The following DCC variants were observed in gnomAD, a reference collection of about 807,000 sequenced individuals.
DCC encodes netrin receptor DCC.
In DCC, 58 loss-of-function variants were observed where a neutral mutation model predicts 172.5. That is an observed-to-expected ratio of 0.34 (90% confidence interval 0.27 to 0.42). The LOEUF is 0.42. Ranked by LOEUF, DCC falls within the 10% of genes least tolerant of loss-of-function variation. DCC has a pLI of 1.00. For synonymous variants in DCC, 709 were observed against 644.5 expected (o/e 1.10, Z -1.52); for missense variants, 1,740 against 1,791.0 (o/e 0.97, Z 0.51).
At chr18:52,501,444 C>A (rs532523778) in intron 1 of DCC, among the ~76,000 whole-genome samples, 1 of 152,116 alleles carries the variant, frequency 6.6e-6, no homozygotes, top group East Asian at 1.9e-4. Context: ...CGTTGTCTCT[C>A]TAAGCAGAAG....
At chr18:53,271,702 C>T (rs61063719) in intron 12 of DCC, among the ~76,000 whole-genome samples, 6,565 of 152,104 alleles carry the variant, frequency 0.043, 428 homozygotes, top group African/African-American at 0.15. Context: ...TTGTAACCAC[C>T]ACTTTTTCTG....
chr18:53,295,461 T>A (rs1021633013), intron 12 of DCC, among the ~76,000 whole-genome samples: 1 of 152,150 alleles, frequency 6.6e-6, no homozygotes, highest in Non-Finnish European at 1.5e-5. Context: ...CATAATAGAA[T>A]TTTTTCATAG....
rs530375353 is a variant in DCC at position 52,994,265 on chromosome 18, G to A, written c.985+68895G>A. Among the ~76,000 whole-genome samples the A allele has an allele frequency of 9.2e-5, 14 of 151,994 alleles. No homozygotes were observed. The South Asian group carries it at 2.9e-3, about 32-fold the overall frequency. On this transcript the variant is annotated intron_variant, in intron 5 of 28. Transcript: ENST00000442544. Reference sequence around the variant, plus strand: ...AAGACCATCCTTGAGAGTGAATTAAGTAACAGATTCTTGGCAAATCTTTCT... The same window carrying A: ...AAGACCATCCTTGAGAGTGAATTAAATAACAGATTCTTGGCAAATCTTTCT...
Position 52,340,768 on chromosome 18 carries a change from C to T in DCC, c.-20C>T. On this transcript the variant is annotated 5_prime_UTR_variant, in exon 1 of 29. Coordinates refer to ENST00000442544, the MANE Select transcript of DCC (RefSeq NM_005215.4). ...CTGCCGCTGCCCGCGACCCCTGGCC[C>T]CGAAGGTGTTGGCTGAAATATGGAG... 6.2e-7 allele frequency: 1 copy of T among 1,604,988 alleles called. No homozygotes were observed. Among genetic ancestry groups the T allele is most frequent in the Non-Finnish European group, 8.5e-7 (1 of 1,171,894 alleles).
intron 1 of DCC, among the ~76,000 whole-genome samples, chr18:52,376,606 A>G (rs993098622): frequency 3.9e-5 from 6 of 152,160 alleles, no homozygotes; most frequent in Admixed American, 1.3e-4. Flanking sequence ...TTAGTTTCTT[A>G]ACATTCCGGG....
chr18:53,237,976 A>C (rs1243045868), intron 12 of DCC, among the ~76,000 whole-genome samples: 11 of 152,166 alleles, frequency 7.2e-5, no homozygotes, highest in Non-Finnish European at 1.3e-4. Context: ...AAGAAAACCT[A>C]AGAACACAAT....
intron 12 of DCC, among the ~76,000 whole-genome samples, chr18:53,221,465 G>T (rs1046377448): frequency 6.6e-6 from 1 of 152,088 alleles, no homozygotes; most frequent in Non-Finnish European, 1.5e-5. Flanking sequence ...AAAAGTGAAC[G>T]TTCTTTCACA....
intron 7 of DCC, among the ~76,000 whole-genome samples, chr18:53,071,869 C>G (rs2042656040): frequency 1.3e-5 from 2 of 152,148 alleles, no homozygotes; most frequent in Admixed American, 1.3e-4. Flanking sequence ...TGGCTCACGC[C>G]TGTAATCCCA....
At chr18:53,076,843 A>G (rs2042731048) in intron 7 of DCC, among the ~76,000 whole-genome samples, 4 of 152,232 alleles carry the variant, frequency 2.6e-5, no homozygotes, top group Admixed American at 2.0e-4. Context: ...TGTTGCTAGG[A>G]GATTGGGCAT....
intron 2 of DCC, among the ~76,000 whole-genome samples, chr18:52,789,541 C>G (rs894120762): frequency 7.9e-5 from 12 of 152,164 alleles, no homozygotes; most frequent in Non-Finnish European, 1.8e-4. Flanking sequence ...TCTTGTTACT[C>G]AACTTTAGCC....
rs200534862 is a variant in DCC at position 53,499,426 on chromosome 18, C to A, written c.4027C>A (p.Arg1343Ser). The A allele has an allele frequency of 6.2e-7, 1 of 1,614,096 alleles. No homozygotes were observed. The highest frequency in any genetic ancestry group is 2.2e-5 in the East Asian group (1 of 44,874). Residue 1343 changes from arginine (R) to serine (S), a missense_variant, in exon 27 of 29, where the codon CGC becomes AGC. By Grantham distance (110) the Arg-to-Ser change is moderately radical. Transcript: ENST00000442544. ...TTGTGTTCGACCAACTCACCCACTC[C>A]GCAGCTTTGCTAATCCTTTGCTACC... ...TACVRPTHPL[R>S]SFANPLLPPP...
intron 1 of DCC, among the ~76,000 whole-genome samples, chr18:52,652,364 T>A (rs531290805): frequency 6.6e-6 from 1 of 152,228 alleles, no homozygotes; most frequent in Non-Finnish European, 1.5e-5. Context: ...AGAACAAAAA[T>A]TTCAGCCACT....
chr18:53,270,447 A>G (rs1431188), intron 12 of DCC, among the ~76,000 whole-genome samples: 44,509 of 152,070 alleles, frequency 0.29, 8,384 homozygotes, highest in Non-Finnish European at 0.43. Context: ...ACCTAATTAT[A>G]TATGATTAGT....
At chr18:52,755,812 T>A (rs1447744961) in intron 2 of DCC, among the ~76,000 whole-genome samples, 1 of 151,836 alleles carries the variant, frequency 6.6e-6, no homozygotes, top group Non-Finnish European at 1.5e-5. Context: ...TTTCTCAAAG[T>A]GTCTTTTGAT....
intron 1 of DCC, among the ~76,000 whole-genome samples, chr18:52,494,631 G>T: frequency 6.6e-6 from 1 of 151,742 alleles, no homozygotes; most frequent in African/African-American, 2.4e-5. Flanking sequence ...CTTAATATTA[G>T]TTATTATGTT....
intron 17 of DCC, among the ~76,000 whole-genome samples, chr18:53,392,576 A>C (rs1908622508): frequency 6.6e-6 from 1 of 152,230 alleles, no homozygotes; most frequent in African/African-American, 2.4e-5. Flanking sequence ...CTCAGGGATC[A>C]TAACAACAAG....
intron 25 of DCC, among the ~76,000 whole-genome samples, chr18:53,479,316 A>C (rs1175504334): frequency 6.6e-6 from 1 of 152,236 alleles, no homozygotes; most frequent in Non-Finnish European, 1.5e-5. Context: ...AATTACTGAA[A>C]GGAACAGTAT....
intron 7 of DCC, among the ~76,000 whole-genome samples, chr18:53,084,406 A>G (rs906461776): frequency 6.6e-6 from 1 of 152,212 alleles, no homozygotes; most frequent in Non-Finnish European, 1.5e-5. Flanking sequence ...AAACTTCAGC[A>G]TGAGTTTTGG....
intron 20 of DCC, 28 bp from the exon 21 acceptor site, chr18:53,416,096 A>G: frequency 6.3e-7 from 1 of 1,580,120 alleles, no homozygotes; most frequent in African/African-American, 1.3e-5. Flanking sequence ...GTCAAAGTCT[A>G]ATAATGTTAT....
Sources: gnomAD v4.1 joint callset for allele counts (sites outside exome capture counted in the v4.1 genomes callset) on GRCh38, gnomAD v4.1.1 for gene constraint, MANE v1.5 for transcripts, NCBI Gene and HGNC (gene_info 2026-07-23, HGNC 2026-07-21) for gene names.